Variants in RAPGEF4 observed in about 807,000 individuals in gnomAD.
The protein encoded by RAPGEF4 is Rap guanine nucleotide exchange factor 4.
RAPGEF4 carries 66 observed loss-of-function variants against 147.9 expected under a neutral mutation model. The ratio of observed to expected loss-of-function variants is 0.45; its 90% CI spans 0.37 to 0.55. RAPGEF4 has a LOEUF of 0.55. Ranked by LOEUF, RAPGEF4 falls within the 20% of genes least tolerant of loss-of-function variation. The probability of loss-of-function intolerance (pLI) is 0.00; values close to 1 mark genes in which losing one functional copy is unlikely to be tolerated. For synonymous variants in RAPGEF4, 419 were observed against 442.7 expected, an observed-to-expected ratio of 0.95 and a Z score of 0.67; for missense variants, 1,071 against 1,257.3, an observed-to-expected ratio of 0.85 and a Z score of 2.24.
chr2:172,880,113 C>T (rs867513778), intron 4 of RAPGEF4, among the ~76,000 whole-genome samples: 1 of 152,146 alleles, frequency 6.6e-6, no homozygotes, highest in Non-Finnish European at 1.5e-5. Context: ...GGGGGAATCA[C>T]ATGCCCACTT....
chr2:172,967,957 C>A (rs1690031154), intron 10 of RAPGEF4, among the ~76,000 whole-genome samples: 1 of 152,154 alleles, frequency 6.6e-6, no homozygotes, highest in East Asian at 1.9e-4. Flanking sequence ...CTGTCAAGGC[C>A]CCCATTGAGC....
In RAPGEF4 at chr2:172,997,039, C is replaced by A. The variant is rs531306742; in HGVS notation, c.1579+485C>A. ...GGCTGCCCTAATGAACTACCACCAA[C>A]TGGGTAGCTCAAGCAACAAAATTAT... On this transcript the variant is annotated intron_variant, in intron 16 of 30. Coordinates refer to ENST00000397081, the MANE Select transcript of RAPGEF4 (RefSeq NM_007023.4). Among the ~76,000 whole-genome samples the A allele has an allele frequency of 7.9e-5, 12 of 152,324 alleles. No individual in the cohort carries two copies. The East Asian group carries it at 2.1e-3, about 27-fold the overall frequency.
chr2:172,988,216 G>T lies in RAPGEF4; in HGVS notation c.1171G>T (p.Gly391Cys). Residue 391 changes from glycine (G) to cysteine (C), a missense_variant, in exon 13 of 31, where the codon GGT becomes TGT. Coordinates refer to ENST00000397081, the MANE Select transcript of RAPGEF4 (RefSeq NM_007023.4). ...GTVLFNQGEE[G>C]TSWYIILKGS... ...TCTAGTGTTTAACCAGGGGGAAGAA[G>T]GTACCTCCTGGTACATTATTCTAAA... 6.2e-7 allele frequency: 1 copy of T among 1,609,958 alleles called. No homozygotes were observed.
chr2:173,011,952 T>G (rs1695070443), intron 17 of RAPGEF4, among the ~76,000 whole-genome samples: 1 of 152,178 alleles, frequency 6.6e-6, no homozygotes, highest in Admixed American at 6.5e-5. Flanking sequence ...ACCAGCTCAG[T>G]AAAAGCTTCC....
chr2:173,035,856 AGGGAAG>A (rs1683928913), intron 27 of RAPGEF4, among the ~76,000 whole-genome samples: 7 of 152,378 alleles, frequency 4.6e-5, no homozygotes, highest in Non-Finnish European at 8.8e-5. Flanking sequence ...TGTTCATTAA[AGGGAAG>A]TGTATCATCA....
At chr2:172,970,707 A>G (rs969460566) in intron 10 of RAPGEF4, among the ~76,000 whole-genome samples, 4 of 152,176 alleles carry the variant, frequency 2.6e-5, no homozygotes, top group African/African-American at 9.7e-5. Context: ...TAACTGCAGC[A>G]TTTTAACTGT....
chr2:172,756,674 A>G (rs934029802), intron 1 of RAPGEF4, among the ~76,000 whole-genome samples: 2 of 152,196 alleles, frequency 1.3e-5, no homozygotes, highest in Non-Finnish European at 2.9e-5. Flanking sequence ...TGGTCACAGG[A>G]TGGTAGGGCA....
At chr2:172,916,521 G>A (rs755946765) in intron 4 of RAPGEF4, among the ~76,000 whole-genome samples, 2 of 152,146 alleles carry the variant, frequency 1.3e-5, no homozygotes, top group Non-Finnish European at 2.9e-5. Context: ...AAGAGAATCA[G>A]AATTAAGAAA....
At chr2:172,738,127 G>T (rs189067588) in intron 1 of RAPGEF4, among the ~76,000 whole-genome samples, 1 of 152,288 alleles carries the variant, frequency 6.6e-6, no homozygotes, top group East Asian at 1.9e-4. Context: ...AAAGGAGAAA[G>T]GTTGAGAGTG....
intron 1 of RAPGEF4, among the ~76,000 whole-genome samples, chr2:172,740,837 A>G (rs140525086): frequency 6.6e-6 from 1 of 152,364 alleles, no homozygotes; most frequent in African/African-American, 2.4e-5. Context: ...ACAGATACAC[A>G]GGTACCAGAC....
intron 2 of RAPGEF4, among the ~76,000 whole-genome samples, chr2:172,796,621 A>G (rs1306590200): frequency 1.3e-5 from 2 of 152,130 alleles, no homozygotes; most frequent in Admixed American, 1.3e-4. Flanking sequence ...TCCTAGGCTC[A>G]AGCCATCTGC....
At chr2:173,025,578 C>T (rs1408512083) in intron 23 of RAPGEF4, among the ~76,000 whole-genome samples, 2 of 152,030 alleles carry the variant, frequency 1.3e-5, no homozygotes, top group Non-Finnish European at 2.9e-5. Flanking sequence ...GAGTAGCTGG[C>T]ACTACAGGTA....
chr2:172,801,796 A>G (rs1312918524), intron 3 of RAPGEF4, among the ~76,000 whole-genome samples: 2 of 152,002 alleles, frequency 1.3e-5, no homozygotes, highest in Non-Finnish European at 2.9e-5. Flanking sequence ...AGGAATAAGG[A>G]ATGCAGGGAG....
chr2:172,765,653 C>T (rs1446655185), intron 1 of RAPGEF4, among the ~76,000 whole-genome samples: 1 of 152,162 alleles, frequency 6.6e-6, no homozygotes. Flanking sequence ...AAGCCTGGAT[C>T]CAGCCATGGC....
At chr2:172,991,315 G>A (rs147694730) in intron 15 of RAPGEF4, among the ~76,000 whole-genome samples, 1,683 of 152,242 alleles carry the variant, frequency 0.011, 63 homozygotes, top group Admixed American at 0.085. Context: ...GCAGGATTTC[G>A]CGTGAAGTGT....
At chr2:172,941,588 T>G (rs1219441674) in intron 6 of RAPGEF4, among the ~76,000 whole-genome samples, 1 of 152,190 alleles carries the variant, frequency 6.6e-6, no homozygotes, top group Non-Finnish European at 1.5e-5. Context: ...ATTAAGGCTT[T>G]TGAAAAATCA....
intron 4 of RAPGEF4, among the ~76,000 whole-genome samples, chr2:172,831,184 A>G (rs1574975112): frequency 6.6e-6 from 1 of 150,740 alleles, no homozygotes; most frequent in Admixed American, 6.6e-5. Context: ...CTAAACTCCA[A>G]CACCTTGAAC....
At chr2:172,831,109 A>G (rs1690258281) in intron 4 of RAPGEF4, among the ~76,000 whole-genome samples, 1 of 152,128 alleles carries the variant, frequency 6.6e-6, no homozygotes, top group South Asian at 2.1e-4. Flanking sequence ...AAATTTTCAC[A>G]CAAATTGACT....
At chr2:172,860,864 T>C (rs1693964782) in intron 4 of RAPGEF4, among the ~76,000 whole-genome samples, 1 of 152,162 alleles carries the variant, frequency 6.6e-6, no homozygotes, top group South Asian at 2.1e-4. Context: ...CAAAATTAAG[T>C]ACAGATGGTA....
Sources: allele counts gnomAD v4.1 joint callset (sites outside exome capture counted in the v4.1 genomes callset), GRCh38; gene constraint gnomAD v4.1.1; transcripts MANE v1.5; gene names NCBI Gene and HGNC (gene_info 2026-07-23, HGNC 2026-07-21).